The following PHTF1 variants were observed in gnomAD, a reference collection of about 807,000 sequenced individuals.
PHTF1 encodes the protein protein PHTF1.
PHTF1 carries 88 observed loss-of-function variants against 102.4 expected under a neutral mutation model. The ratio of observed to expected loss-of-function variants is 0.86; its 90% CI spans 0.72 to 1.03. PHTF1 has a LOEUF of 1.03. Ranked by LOEUF, PHTF1 falls within the 50% of genes least tolerant of loss-of-function variation. The pLI, the probability that PHTF1 is intolerant of heterozygous loss-of-function variation, is 0.00. For synonymous variants in PHTF1, 289 were observed against 305.2 expected, an observed-to-expected ratio of 0.95 and a Z score of 0.55; for missense variants, 814 against 909.5, an observed-to-expected ratio of 0.89 and a Z score of 1.35.
At chr1:113,735,669 G>A (rs181590840) in intron 5 of PHTF1, among the ~76,000 whole-genome samples, 106 of 152,018 alleles carry the variant, frequency 7.0e-4, no homozygotes, top group African/African-American at 1.9e-3. Flanking sequence ...GCACAGACGC[G>A]GAACATTTCC....
intron 3 of PHTF1, 24 bp downstream of exon 3, chr1:113,757,675 G>A: frequency 6.6e-7 from 1 of 1,522,818 alleles, no homozygotes. Flanking sequence ...TGAAACATAG[G>A]CGGAATCAAA....
At chr1:113,746,297 T>C (rs991072766) in intron 3 of PHTF1, among the ~76,000 whole-genome samples, 25 of 152,202 alleles carry the variant, frequency 1.6e-4, no homozygotes, top group African/African-American at 5.8e-4. Flanking sequence ...CTCTAAACCC[T>C]GACTTCAGTA....
At chr1:113,741,445 A>C (rs1240870027) in intron 3 of PHTF1, among the ~76,000 whole-genome samples, 2 of 152,220 alleles carry the variant, frequency 1.3e-5, no homozygotes, top group African/African-American at 4.8e-5. Flanking sequence ...TCAGAAATTA[A>C]AAATTTAAAG....
intron 3 of PHTF1, among the ~76,000 whole-genome samples, chr1:113,744,763 G>T (rs1051248721): frequency 7.9e-5 from 12 of 152,056 alleles, no homozygotes; most frequent in African/African-American, 2.9e-4. Flanking sequence ...TGGGCAATAT[G>T]GTAAAACCCT....
intron 3 of PHTF1, among the ~76,000 whole-genome samples, chr1:113,748,261 G>C (rs955497398): frequency 5.9e-5 from 9 of 152,086 alleles, no homozygotes; most frequent in East Asian, 5.8e-4. Flanking sequence ...TTACAGGCGT[G>C]AGCCACCATG....
In PHTF1 at chr1:113,706,471, A is replaced by G; in HGVS notation, c.1398+123T>C. On this transcript the variant is annotated intron_variant, in intron 12 of 18. Coordinates refer to ENST00000369604, the MANE Select transcript of PHTF1 (RefSeq NM_001323043.2). ...TATGTTAATAATGTTATTATATATA[A>G]TATGATATATATGTGCTTCAAAAGC... The G allele has an allele frequency of 5.2e-6, 3 of 577,434 alleles. No individual in the cohort carries two copies. The South Asian group carries it at 1.4e-4, about 27-fold the overall frequency. The allele number at this position is 577,434 out of a possible 1,614,324, so 35.8% of individuals were successfully genotyped here.
At chr1:113,742,273 A>G (rs1021980398) in intron 3 of PHTF1, among the ~76,000 whole-genome samples, 3 of 152,174 alleles carry the variant, frequency 2.0e-5, no homozygotes, top group Non-Finnish European at 4.4e-5. Context: ...TATTTAGGCA[A>G]TTTTAAACCC....
At position 113,706,054 on chromosome 1, in the gene PHTF1, C is replaced by A; in HGVS notation, c.1507G>T (p.Asp503Tyr). The A allele has an allele frequency of 6.2e-7, 1 of 1,614,072 alleles. No individual in the cohort carries two copies. The highest frequency in any genetic ancestry group is 8.5e-7 in the Non-Finnish European group (1 of 1,179,994). The change falls in exon 13 of 19, where the codon GAC becomes TAC. Residue 503 changes from aspartate to tyrosine, a missense_variant. Asp to Tyr is a radical substitution (Grantham distance 160). Coordinates refer to ENST00000369604, the MANE Select transcript of PHTF1 (RefSeq NM_001323043.2). ...TCAGCTGAAATGGACTTTAGTTGGT[C>A]AAGGCTCTTCTCACGGAAAAGTCGA... ...LHRLFREKSL[D>Y]QLKSISAEEI...
intron 13 of PHTF1, among the ~76,000 whole-genome samples, chr1:113,705,297 G>A (rs917913129): frequency 1.3e-5 from 2 of 152,062 alleles, no homozygotes; most frequent in African/African-American, 4.8e-5. Context: ...AAAATTAGTC[G>A]GGTGTGGTGG....
chr1:113,705,807 G>T, intron 13 of PHTF1, 83 bp downstream of exon 13: 2 of 1,026,842 alleles, frequency 1.9e-6, no homozygotes, highest in Non-Finnish European at 1.4e-6. Flanking sequence ...CTTGAAGAGA[G>T]ACCAAATCAA....
chr1:113,732,795 G>A (rs2101544226), intron 5 of PHTF1, among the ~76,000 whole-genome samples: 1 of 152,246 alleles, frequency 6.6e-6, no homozygotes, highest in South Asian at 2.1e-4. Context: ...TAATAAATGT[G>A]TGGAAAAAAT....
intron 8 of PHTF1, 149 bp from the exon 9 acceptor site, chr1:113,712,262 T>C: frequency 1.6e-6 from 1 of 607,014 alleles, no homozygotes; most frequent in South Asian, 2.2e-5. Flanking sequence ...TATTACTTAA[T>C]CTCAATTAAG....
intron 7 of PHTF1, among the ~76,000 whole-genome samples, chr1:113,719,194 G>C (rs1016591385): frequency 4.0e-5 from 6 of 151,696 alleles, no homozygotes; most frequent in Non-Finnish European, 8.8e-5. Flanking sequence ...GTAGAGATGG[G>C]GTTTCACCAT....
intron 3 of PHTF1, among the ~76,000 whole-genome samples, chr1:113,742,312 G>T (rs1192988479): frequency 6.6e-6 from 1 of 152,030 alleles, no homozygotes; most frequent in Non-Finnish European, 1.5e-5. Flanking sequence ...ACCTAAAAAA[G>T]GTACAGTAAA....
At chr1:113,699,484 G>A in intron 17 of PHTF1, 1 of 648,500 alleles carries the variant, frequency 1.5e-6, no homozygotes, top group Non-Finnish European at 2.8e-6. Context: ...ACTTGGTGAT[G>A]GGGAGCCACT....
chr1:113,718,645 T>C (rs189368854), intron 7 of PHTF1, among the ~76,000 whole-genome samples: 22 of 152,376 alleles, frequency 1.4e-4, no homozygotes, highest in Admixed American at 1.4e-3. Context: ...TCTTGACTTC[T>C]GTGCACCTGC....
At chr1:113,704,241 T>C in intron 14 of PHTF1, 74 bp from the exon 15 acceptor site, 2 of 777,846 alleles carry the variant, frequency 2.6e-6, no homozygotes, top group South Asian at 3.3e-5. Flanking sequence ...ATTAACACTC[T>C]GAATTGTACT....
chr1:113,726,531 T>C lies in PHTF1; in HGVS notation c.375A>G (p.Ile125Met). ...VLYLMMPIVN[I>M]SEVLGPLCLM... ...GGCACAAGGGTCCAAGTACTTCACTTATGTTCACAATAGGCATCATCAAAT... is the reference window on the plus strand; with the variant it reads ...GGCACAAGGGTCCAAGTACTTCACTCATGTTCACAATAGGCATCATCAAAT... Residue 125 changes from isoleucine to methionine, a missense_variant, in exon 6 of 19, where the codon ATA (isoleucine) becomes ATG (methionine). Coordinates refer to ENST00000369604, the MANE Select transcript of PHTF1 (RefSeq NM_001323043.2). The C allele has an allele frequency of 3.1e-6, 5 of 1,607,952 alleles. No individual in the cohort carries two copies. Among genetic ancestry groups the C allele is most frequent in the Non-Finnish European group, 4.3e-6 (5 of 1,176,440 alleles).
In PHTF1 at chr1:113,699,810, G is replaced by A. The variant is rs571931127; in HGVS notation, c.2047-11C>T. 6 of 995,162 alleles carry A rather than the reference G, an allele frequency of 6.0e-6. No homozygotes were observed. In the South Asian group the frequency reaches 7.3e-5, roughly 12 times the overall value. The allele number at this position is 995,162 out of a possible 1,614,324, so 61.6% of individuals were successfully genotyped here. A position where few individuals can be genotyped will look rare whatever the true frequency, so the allele number is the denominator to read the frequency against. ...AAGATATAAATTAATCTAAGGGAAG[G>A]AATAGAAATTAAGGTAAATTTCTTG... On this transcript the variant is annotated splice_polypyrimidine_tract_variant and intron_variant, in intron 16 of 18. Coordinates refer to ENST00000369604, the MANE Select transcript of PHTF1 (RefSeq NM_001323043.2).
Sources: gnomAD v4.1 joint callset for allele counts (sites outside exome capture counted in the v4.1 genomes callset) on GRCh38, gnomAD v4.1.1 for gene constraint, MANE v1.5 for transcripts, NCBI Gene and HGNC (gene_info 2026-07-23, HGNC 2026-07-21) for gene names.